Variants in TAF4 observed in about 807,000 individuals in gnomAD.
TAF4 encodes transcription initiation factor TFIID subunit 4.
Under a neutral mutation model 90.3 loss-of-function variants are expected in TAF4, and 9 were observed. That is an observed-to-expected ratio of 0.10 (90% CI 0.06 to 0.17). The LOEUF (loss-of-function observed/expected upper bound fraction) is 0.17, where lower values mean the gene tolerates loss of function less well. Among genes scored for constraint, TAF4 ranks in the 10% least tolerant of loss-of-function variants. The probability of loss-of-function intolerance (pLI) is 1.00; values close to 1 mark genes in which losing one functional copy is unlikely to be tolerated. For missense variants in TAF4, 1,351 were observed against 1,370.7 expected (o/e 0.99, Z 0.23); for synonymous variants, 818 against 638.9 (o/e 1.28, Z -4.23).
intron 1 of TAF4, among the ~76,000 whole-genome samples, chr20:62,026,799 A>G (rs1335880767): frequency 6.6e-6 from 1 of 150,978 alleles, no homozygotes; most frequent in Non-Finnish European, 1.5e-5. Flanking sequence ...TGGGCCCAAC[A>G]CTCTCCCCCG....
intron 14 of TAF4, among the ~76,000 whole-genome samples, chr20:61,976,913 A>G (rs1041664923): frequency 1.3e-4 from 20 of 152,176 alleles, no homozygotes; most frequent in Admixed American, 2.0e-4. Context: ...ACAGGTGACC[A>G]GGTGTCTCCC....
chr20:62,012,654 CA>C, intron 3 of TAF4, 160 bp downstream of exon 3: 1 of 1,043,616 alleles, frequency 9.6e-7, no homozygotes, highest in Non-Finnish European at 1.3e-6. Context: ...TGTTGGTGGT[CA>C]AAGAAAAAGC....
chr20:61,982,141 C>A (rs2055548187), intron 14 of TAF4, among the ~76,000 whole-genome samples: 1 of 114,164 alleles, frequency 8.8e-6, no homozygotes, highest in Non-Finnish European at 1.8e-5. Context: ...CCATACCCAC[C>A]CTAGAAGAGA....
chr20:62,017,366 C>T lies in TAF4; in HGVS notation c.1361-2659G>A, dbSNP rs533691361. Among the ~76,000 whole-genome samples, 4 of 151,930 alleles carry T rather than the reference C, an allele frequency of 2.6e-5. No homozygotes were observed. In the South Asian group the frequency reaches 6.2e-4, roughly 24 times the overall value. ...AAAAAATTGCATCCAAGGCCAGGCA[C>T]GGTGGCTCACGCCTGTAATCCCAGC... is the stretch of plus-strand genomic sequence containing the variant. On this transcript the variant is annotated intron_variant, in intron 1 of 14. Transcript: ENST00000252996.
chr20:62,054,830 G>A lies in TAF4; in HGVS notation c.1360+9621C>T, dbSNP rs1232068065. 6.6e-5 allele frequency among the ~76,000 whole-genome samples: 10 copies of A among 151,840 alleles called. No individual in the cohort carries two copies. The South Asian group carries it at 1.2e-3, about 19-fold the overall frequency. Reference sequence around the variant, plus strand: ...TGGCCATCAGAGCCAGCAACACCACGACTCCCAGACCCTGGCCTGTGCCAG... The same window carrying A: ...TGGCCATCAGAGCCAGCAACACCACAACTCCCAGACCCTGGCCTGTGCCAG... On this transcript the variant is annotated intron_variant, in intron 1 of 14. Transcript: ENST00000252996.
At chr20:62,016,408 T>C (rs2055812437) in intron 1 of TAF4, among the ~76,000 whole-genome samples, 1 of 152,224 alleles carries the variant, frequency 6.6e-6, no homozygotes, top group Non-Finnish European at 1.5e-5. Flanking sequence ...GCTGCCAGCG[T>C]GGCTAGAATA....
chr20:62,009,256 A>G, intron 4 of TAF4, 82 bp from the exon 5 acceptor site: 1 of 1,331,770 alleles, frequency 7.5e-7, no homozygotes, highest in Non-Finnish European at 1.0e-6. Flanking sequence ...AAATATGCAT[A>G]TGTACAAAAG....
intron 4 of TAF4, 100 bp downstream of exon 4, chr20:62,009,946 G>C (rs1315037214): frequency 7.7e-6 from 12 of 1,556,480 alleles, no homozygotes; most frequent in African/African-American, 1.4e-5. Flanking sequence ...AGCAGTGAGC[G>C]GTCTGGGACA....
At chr20:62,046,432 T>A (rs889173272) in intron 1 of TAF4, among the ~76,000 whole-genome samples, 5 of 152,250 alleles carry the variant, frequency 3.3e-5, no homozygotes, top group African/African-American at 1.2e-4. Flanking sequence ...TAGAATTTCA[T>A]ACAAATGAAA....
At chr20:62,035,508 T>C (rs555165032) in intron 1 of TAF4, among the ~76,000 whole-genome samples, 50 of 152,100 alleles carry the variant, frequency 3.3e-4, no homozygotes, top group Admixed American at 5.2e-4. Flanking sequence ...TCAATCCAAA[T>C]AGGAGGCAAA....
intron 4 of TAF4, 61 bp downstream of exon 4, chr20:62,009,985 T>C (rs568313505): frequency 1.9e-6 from 3 of 1,603,576 alleles, no homozygotes; most frequent in South Asian, 2.2e-5. Context: ...CAAGGCTGCA[T>C]TTTCTGACCT....
At chr20:62,055,288 T>G (rs985265338) in intron 1 of TAF4, among the ~76,000 whole-genome samples, 11 of 150,416 alleles carry the variant, frequency 7.3e-5, no homozygotes, top group Non-Finnish European at 1.2e-4. Context: ...CGATTCACGC[T>G]GCCTGCGGGC....
intron 14 of TAF4, among the ~76,000 whole-genome samples, chr20:61,976,589 G>C (rs1177015321): frequency 6.6e-6 from 1 of 152,238 alleles, no homozygotes; most frequent in Non-Finnish European, 1.5e-5. Flanking sequence ...ACAGTGCTTG[G>C]ACCTGGTCCT....
chr20:61,976,331 G>C lies in TAF4; in HGVS notation c.3095C>G (p.Ser1032Trp). The change falls in exon 15 of 15, where the codon TCG becomes TGG. Residue 1032 changes from serine to tryptophan, a missense_variant. Physicochemically the swap from Ser to Trp is radical, Grantham distance 177 (BLOSUM62 -3). Transcript: ENST00000252996. ...GCCTGGGACCACTGAGCCGGGGCCC[G>C]ACCCCTGGTGATGAAAAAGGAGAAG... ...CPGPGSGAEG[S>W]GPGSVVPGSS... 1 of 1,613,118 alleles carries C rather than the reference G, an allele frequency of 6.2e-7. No homozygotes were observed. Among genetic ancestry groups the C allele is most frequent in the Non-Finnish European group, 8.5e-7 (1 of 1,179,984 alleles).
chr20:62,033,381 T>C (rs2055914887), intron 1 of TAF4, among the ~76,000 whole-genome samples: 1 of 152,158 alleles, frequency 6.6e-6, no homozygotes, highest in African/African-American at 2.4e-5. Flanking sequence ...CCAACATCCA[T>C]TGAGACAAAC....
At chr20:62,038,733 T>C (rs1005785316) in intron 1 of TAF4, among the ~76,000 whole-genome samples, 6 of 152,168 alleles carry the variant, frequency 3.9e-5, no homozygotes, top group African/African-American at 1.2e-4. Flanking sequence ...AACCGATCTA[T>C]AGACTCAATA....
Position 62,007,654 on chromosome 20 carries a change from T to G in TAF4, c.1885-18A>C. ...TTTCCATCCTTAAAAATAAAATCCATGTTGAAATTCTGGTGAATGAGATTC... is the reference window on the plus strand; with the variant it reads ...TTTCCATCCTTAAAAATAAAATCCAGGTTGAAATTCTGGTGAATGAGATTC... On this transcript the variant is annotated intron_variant, in intron 5 of 14. Coordinates refer to ENST00000252996, the MANE Select transcript of TAF4 (RefSeq NM_003185.4). The G allele has an allele frequency of 6.3e-7, 1 of 1,593,130 alleles. No individual in the cohort carries two copies. Among genetic ancestry groups the G allele is most frequent in the Non-Finnish European group, 8.6e-7 (1 of 1,168,026 alleles).
chr20:61,994,464 T>C (rs955828725), intron 14 of TAF4, among the ~76,000 whole-genome samples: 4 of 152,268 alleles, frequency 2.6e-5, no homozygotes, highest in South Asian at 2.1e-4. Context: ...AAGATCTTTA[T>C]TTTCTTCCTA....
chr20:61,997,535 A>C lies in TAF4; in HGVS notation c.3090+15T>G. On this transcript the variant is annotated intron_variant, in intron 14 of 14. Coordinates refer to ENST00000252996, the MANE Select transcript of TAF4 (RefSeq NM_003185.4). ...ATGTTTCCCCCAGGACCTCGATCCC[A>C]CAACACTGCCGTACCTCTGCTCCTG... The C allele has an allele frequency of 6.4e-7, 1 of 1,566,582 alleles. No individual in the cohort carries two copies. Among genetic ancestry groups the C allele is most frequent in the Non-Finnish European group, 8.6e-7 (1 of 1,158,862 alleles).
Sources: gnomAD v4.1 joint callset for allele counts (sites outside exome capture counted in the v4.1 genomes callset) on GRCh38, gnomAD v4.1.1 for gene constraint, MANE v1.5 for transcripts, NCBI Gene and HGNC (gene_info 2026-07-23, HGNC 2026-07-21) for gene names.